The following CD28 variants were observed in gnomAD, a reference collection of about 807,000 sequenced individuals.
CD28 encodes the protein CD28 molecule, also known as T-cell-specific surface glycoprotein CD28.
Under a neutral mutation model 21.4 loss-of-function variants are expected in CD28, and 8 were observed. The ratio of observed to expected loss-of-function variants is 0.37; its 90% CI spans 0.22 to 0.68. The LOEUF (loss-of-function observed/expected upper bound fraction) is 0.68, where lower values mean the gene tolerates loss of function less well. CD28 is among the 30% of genes least tolerant of loss of function. The pLI is 0.55. For synonymous variants in CD28, 106 were observed against 104.0 expected (o/e 1.02, Z -0.12); for missense variants, 239 against 272.2 (o/e 0.88, Z 0.86).
chr2:203,718,965 T>C (rs996756407), intron 1 of CD28, among the ~76,000 whole-genome samples: 2 of 152,254 alleles, frequency 1.3e-5, no homozygotes, highest in African/African-American at 4.8e-5. Context: ...GTGATCATAC[T>C]GTCTGTAAGC....
chr2:203,713,495 G>A (rs1164063657), intron 1 of CD28, among the ~76,000 whole-genome samples: 3 of 152,160 alleles, frequency 2.0e-5, no homozygotes, highest in Non-Finnish European at 4.4e-5. Context: ...CTAAGCCAAT[G>A]AGGGAAAGAG....
intron 3 of CD28, 86 bp from the exon 4 acceptor site, chr2:203,734,698 G>C: frequency 6.6e-7 from 1 of 1,512,026 alleles, no homozygotes; most frequent in East Asian, 2.3e-5. Context: ...TCATTTGACA[G>C]TTAATATTAT....
chr2:203,713,886 A>AGTGT (rs112347559), intron 1 of CD28, among the ~76,000 whole-genome samples: 69 of 149,208 alleles, frequency 4.6e-4, no homozygotes, highest in African/African-American at 1.5e-3. Flanking sequence ...ACAGAGAGAG[A>AGTGT]GAGTGTGTGT....
At chr2:203,711,333 C>T (rs146354118) in intron 1 of CD28, among the ~76,000 whole-genome samples, 1 of 152,276 alleles carries the variant, frequency 6.6e-6, no homozygotes, top group East Asian at 1.9e-4. Flanking sequence ...ACTACTCAGT[C>T]ATTTGGTAGA....
rs1358639362 is a variant in CD28, at chr2:203,738,700, A to G, written c.*3788A>G. 3 of 152,152 alleles carry G rather than the reference A, an allele frequency of 2.0e-5. No homozygotes were observed. The highest frequency in any genetic ancestry group is 2.1e-4 in the South Asian group (1 of 4,820). The allele number at this position is 152,152 out of a possible 1,614,324, so 9.4% of individuals were successfully genotyped here. On this transcript the variant is annotated 3_prime_UTR_variant, in exon 4 of 4. Coordinates refer to ENST00000324106, the MANE Select transcript of CD28 (RefSeq NM_006139.4). Reference sequence around the variant, plus strand: ...CCCTTCAGGTCCTTGCTCAAGTGTCATCTTCTCCCCTAGTTAAACTACCCC... The same window carrying G: ...CCCTTCAGGTCCTTGCTCAAGTGTCGTCTTCTCCCCTAGTTAAACTACCCC...
chr2:203,707,831 T>G (rs960027369), intron 1 of CD28, among the ~76,000 whole-genome samples: 1 of 152,210 alleles, frequency 6.6e-6, no homozygotes, highest in East Asian at 1.9e-4. Context: ...TAACATGGTG[T>G]GATTTGTAAT....
intron 1 of CD28, among the ~76,000 whole-genome samples, chr2:203,724,082 CAT>C (rs1491314766): frequency 6.6e-6 from 1 of 152,076 alleles, no homozygotes; most frequent in Non-Finnish European, 1.5e-5. Context: ...AAACTTGAAA[CAT>C]GGATGAAACT....
intron 1 of CD28, among the ~76,000 whole-genome samples, chr2:203,725,690 T>C (rs185222187): frequency 1.6e-3 from 241 of 152,212 alleles, no homozygotes; most frequent in African/African-American, 5.6e-3. Context: ...GAGAGATAAC[T>C]CCCCTCTGGA....
chr2:203,708,541 C>G (rs1370071309), intron 1 of CD28, among the ~76,000 whole-genome samples: 1 of 152,210 alleles, frequency 6.6e-6, no homozygotes, highest in Non-Finnish European at 1.5e-5. Context: ...CTTATTCACT[C>G]TCTTTTGAAG....
Position 203,734,904 on chromosome 2 carries a change from C to T in CD28, c.655C>T (p.Arg219Cys), listed in dbSNP as rs200936737. Residue 219 changes from arginine to cysteine, a missense_variant, in exon 4 of 4, where the codon CGC (arginine) becomes TGC (cysteine). By Grantham distance (180) the Arg-to-Cys change is radical. Coordinates refer to ENST00000324106, the MANE Select transcript of CD28 (RefSeq NM_006139.4). ...YAPPRDFAAYRS is the reference protein window; with the variant it reads ...YAPPRDFAAYCS ...CCCACCACGCGACTTCGCAGCCTAT[C>T]GCTCCTGACACGGACGCCTATCCAG... 63 of 1,613,974 alleles carry T rather than the reference C, an allele frequency of 3.9e-5. No homozygotes were observed. In the East Asian group the frequency reaches 4.5e-4, roughly 11 times the overall value.
At chr2:203,731,620 T>C (rs963574787) in intron 3 of CD28, among the ~76,000 whole-genome samples, 1 of 152,224 alleles carries the variant, frequency 6.6e-6, no homozygotes, top group Non-Finnish European at 1.5e-5. Flanking sequence ...TTATAAATAT[T>C]CATTAGAATG....
At chr2:203,722,790 G>T (rs1693636798) in intron 1 of CD28, among the ~76,000 whole-genome samples, 1 of 152,222 alleles carries the variant, frequency 6.6e-6, no homozygotes, top group African/African-American at 2.4e-5. Context: ...GTGCCAAGGA[G>T]TTAGTAGACA....
chr2:203,734,833 C>A lies in CD28; in HGVS notation c.584C>A (p.Thr195Asn). The A allele has an allele frequency of 6.2e-7, 1 of 1,614,182 alleles. No homozygotes were observed. The highest frequency in any genetic ancestry group is 8.5e-7 in the Non-Finnish European group (1 of 1,180,020). ...CTGCACAGTGACTACATGAACATGA[C>A]TCCCCGCCGCCCCGGGCCCACCCGC... ...RLLHSDYMNM[T>N]PRRPGPTRKH... is the part of the protein sequence containing the mutation. Residue 195 changes from threonine to asparagine, a missense_variant, in exon 4 of 4, where the codon ACT becomes AAT. This residue lies in a region of CD28 where 112 missense variants were observed against 112.8 expected (regional missense o/e 0.99). Transcript: ENST00000324106.
At chr2:203,713,189 A>G (rs1262581517) in intron 1 of CD28, among the ~76,000 whole-genome samples, 1 of 152,264 alleles carries the variant, frequency 6.6e-6, no homozygotes, top group Non-Finnish European at 1.5e-5. Context: ...CAGCTAAGCA[A>G]AGGATAGAAT....
chr2:203,719,876 CT>C (rs962918163), intron 1 of CD28, among the ~76,000 whole-genome samples: 24 of 152,264 alleles, frequency 1.6e-4, no homozygotes, highest in Admixed American at 1.2e-3. Flanking sequence ...GGTCAGGGTT[CT>C]TTGATGCTGG....
At chr2:203,721,139 A>G (rs1693594978) in intron 1 of CD28, among the ~76,000 whole-genome samples, 1 of 152,262 alleles carries the variant, frequency 6.6e-6, no homozygotes. Flanking sequence ...GATTTCAAGC[A>G]CAGTATCTGT....
intron 1 of CD28, among the ~76,000 whole-genome samples, chr2:203,725,084 G>A (rs915427257): frequency 1.3e-5 from 2 of 152,048 alleles, no homozygotes; most frequent in African/African-American, 4.8e-5. Context: ...GAGGTTGGGA[G>A]TTCGAGACAA....
chr2:203,718,563 C>T (rs1693524121), intron 1 of CD28, among the ~76,000 whole-genome samples: 1 of 152,200 alleles, frequency 6.6e-6, no homozygotes, highest in South Asian at 2.1e-4. Flanking sequence ...TAATTAGAAT[C>T]TTACAACCTG....
chr2:203,723,660 T>C lies in CD28; in HGVS notation c.53-2973T>C, dbSNP rs185359808. Reference sequence around the variant, plus strand: ...AAAAGATGCTTAGCATCATTAGTTATTAGAGAAATAGCAAATCAAACCATG... The same window carrying C: ...AAAAGATGCTTAGCATCATTAGTTACTAGAGAAATAGCAAATCAAACCATG... On this transcript the variant is annotated intron_variant, in intron 1 of 3. Coordinates refer to ENST00000324106, the MANE Select transcript of CD28 (RefSeq NM_006139.4). Among the ~76,000 whole-genome samples the C allele has an allele frequency of 7.8e-4, 119 of 152,280 alleles. 2 individuals are homozygous for C. The highest frequency in any genetic ancestry group is 7.7e-3 in the Admixed American group (118 of 15,286).
Sources: gnomAD v4.1 joint callset for allele counts (sites outside exome capture counted in the v4.1 genomes callset) on GRCh38, gnomAD v4.1.1 for gene constraint, gnomAD v4.1.1 regional missense constraint, MANE v1.5 for transcripts, NCBI Gene and HGNC (gene_info 2026-07-23, HGNC 2026-07-21) for gene names.